Variants in ARID1B observed in about 807,000 individuals in gnomAD.
ARID1B encodes AT-rich interactive domain-containing protein 1B.
A neutral mutation model predicts 212.3 loss-of-function variants in ARID1B; 30 were observed. That is an observed-to-expected ratio of 0.14 (90% CI 0.11 to 0.19). The LOEUF (loss-of-function observed/expected upper bound fraction) is 0.19. Ranked by LOEUF, ARID1B falls within the 10% of genes least tolerant of loss-of-function variation. ARID1B has a pLI of 1.00. For synonymous variants in ARID1B, 1,402 were observed against 1,301.7 expected (o/e 1.08, Z -1.66); for missense variants, 2,891 against 3,204.0 (o/e 0.90, Z 2.36).
At chr6:157,087,654 AT>A in intron 5 of ARID1B, among the ~76,000 whole-genome samples, 1 of 152,302 alleles carries the variant, frequency 6.6e-6, no homozygotes. Context: ...CTGGTTCTTA[AT>A]CCAGTGGTGT....
chr6:157,033,059 C>T (rs1781111152), intron 4 of ARID1B, among the ~76,000 whole-genome samples: 1 of 152,126 alleles, frequency 6.6e-6, no homozygotes, highest in Non-Finnish European at 1.5e-5. Context: ...CAGTAAACAT[C>T]GTTTTAAATA....
At chr6:156,979,183 T>C (rs1238174284) in intron 4 of ARID1B, among the ~76,000 whole-genome samples, 3 of 152,242 alleles carry the variant, frequency 2.0e-5, no homozygotes, top group African/African-American at 7.2e-5. Flanking sequence ...TTGAAAGTTC[T>C]CAGTTGACAA....
chr6:157,121,360 A>C (rs1466295274), intron 6 of ARID1B, among the ~76,000 whole-genome samples: 2 of 152,130 alleles, frequency 1.3e-5, no homozygotes, highest in South Asian at 2.1e-4. Flanking sequence ...TTAAGGACTA[A>C]GTTTACTTTT....
At chr6:157,038,862 C>T (rs149859367) in intron 4 of ARID1B, among the ~76,000 whole-genome samples, 27 of 152,036 alleles carry the variant, frequency 1.8e-4, no homozygotes, top group African/African-American at 5.3e-4. Flanking sequence ...GTGAAGCTTC[C>T]GTGTTTGTTC....
At position 157,207,283 on chromosome 6, in the gene ARID1B, A is replaced by G. The variant is rs1469600286; in HGVS notation, c.6511A>G (p.Ile2171Val). ...TTACACGGAAAGCATCTGCTTGCCA[A>G]TTTTGGATGGCTTGCTGCACTGGAT... is the stretch of plus-strand genomic sequence containing the variant. ...SAYTESICLP[I>V]LDGLLHWMVC... Residue 2171 changes from isoleucine (I) to valine (V), a missense_variant, in exon 20 of 20, where the codon ATT becomes GTT. Ile to Val is a conservative substitution (Grantham distance 29, BLOSUM62 3). Coordinates refer to ENST00000636930, the MANE Select transcript of ARID1B (RefSeq NM_001374828.1). The surrounding 1 kb of genome is among the most constrained non-coding windows in gnomAD (Gnocchi z 8.5). 6.2e-6 allele frequency: 10 copies of G among 1,614,076 alleles called. No homozygotes were observed. The highest frequency in any genetic ancestry group is 4.4e-5 in the South Asian group (4 of 91,072).
intron 6 of ARID1B, among the ~76,000 whole-genome samples, chr6:157,131,683 ATGTTT>A (rs536057563): frequency 5.9e-5 from 9 of 151,796 alleles, no homozygotes; most frequent in South Asian, 2.1e-4. Flanking sequence ...AGCCTTGATG[ATGTTT>A]TGTTTTGTTT....
intron 1 of ARID1B, among the ~76,000 whole-genome samples, chr6:156,781,974 G>GTTTTTTTTTTTTTT (rs1779303083): frequency 1.3e-5 from 1 of 79,714 alleles, no homozygotes; most frequent in Non-Finnish European, 2.4e-5. Context: ...TTGGGAATAG[G>GTTTTTTTTTTTTTT]CTTTTTTTTT....
intron 2 of ARID1B, among the ~76,000 whole-genome samples, chr6:156,852,102 A>C (rs1360732038): frequency 1.3e-5 from 2 of 152,070 alleles, no homozygotes; most frequent in African/African-American, 4.8e-5. Flanking sequence ...CAATTGTAAT[A>C]GCCTTCACAA....
At chr6:156,961,206 C>T (rs140961836) in intron 4 of ARID1B, among the ~76,000 whole-genome samples, 36 of 152,314 alleles carry the variant, frequency 2.4e-4, no homozygotes, top group African/African-American at 7.7e-4. Flanking sequence ...CGACAGAGTG[C>T]GCAGGACACG....
At chr6:157,147,217 TCCG>T (rs2128627715) in intron 7 of ARID1B, among the ~76,000 whole-genome samples, 1 of 390 alleles carries the variant, frequency 2.6e-3, no homozygotes, top group Admixed American at 0.031. Context: ...GGCCCTGCCC[TCCG>T]TCCCTCACCT....
At chr6:157,166,487 G>A (rs1325685388) in intron 8 of ARID1B, 2 of 152,206 alleles carry the variant, frequency 1.3e-5, no homozygotes, top group Non-Finnish European at 2.9e-5. Flanking sequence ...TTTAATGTAG[G>A]GAAATTGGTA....
intron 3 of ARID1B, among the ~76,000 whole-genome samples, chr6:156,924,685 AAGGGTGGTGGGGAGCT>A (rs1791083256): frequency 6.6e-6 from 1 of 152,230 alleles, no homozygotes; most frequent in East Asian, 1.9e-4. Context: ...AACCGTGGGT[AAGGGTGGTGGGGAGCT>A]ACTGTATCTT....
At chr6:156,872,792 G>A (rs896144024) in intron 2 of ARID1B, among the ~76,000 whole-genome samples, 1 of 149,904 alleles carries the variant, frequency 6.7e-6, no homozygotes, top group African/African-American at 2.5e-5. Flanking sequence ...CCCCCACGCT[G>A]TGGAGTGGAT....
intron 1 of ARID1B, among the ~76,000 whole-genome samples, chr6:156,826,253 C>T (rs1782732134): frequency 6.6e-6 from 1 of 152,228 alleles, no homozygotes; most frequent in South Asian, 2.1e-4. Context: ...TTCCTCCTGG[C>T]ACAGTCCTGT....
At chr6:157,051,947 T>G (rs1782633095) in intron 4 of ARID1B, among the ~76,000 whole-genome samples, 2 of 152,222 alleles carry the variant, frequency 1.3e-5, no homozygotes, top group African/African-American at 4.8e-5. Flanking sequence ...TATGATTAGA[T>G]GTATTTTGCT....
In ARID1B at chr6:157,052,723, T is replaced by A. The variant is rs139959705; in HGVS notation, c.2248-31939T>A. 2.2e-3 allele frequency among the ~76,000 whole-genome samples: 338 copies of A among 152,136 alleles called. 1 individual carries two copies. Among genetic ancestry groups the A allele is most frequent in the Non-Finnish European group, 3.5e-3 (241 of 67,970 alleles). On this transcript the variant is annotated intron_variant, in intron 4 of 19. Transcript: ENST00000636930. ...ACAGCACCTAAGAGCAGTTTTCGTTTGTCTGTCTGTTTTTTGAGATGGAGT... is the reference window on the plus strand; with the variant it reads ...ACAGCACCTAAGAGCAGTTTTCGTTAGTCTGTCTGTTTTTTGAGATGGAGT...
chr6:156,937,321 G>A (rs1011372359), intron 4 of ARID1B: 4 of 152,144 alleles, frequency 2.6e-5, no homozygotes, highest in African/African-American at 4.8e-5. Flanking sequence ...TAGATGCATG[G>A]GAAGCAGGTA....
At chr6:156,797,187 A>G (rs888745297) in intron 1 of ARID1B, among the ~76,000 whole-genome samples, 1 of 152,200 alleles carries the variant, frequency 6.6e-6, no homozygotes, top group African/African-American at 2.4e-5. Context: ...TGGGGATACC[A>G]CAGTGACAAA....
intron 4 of ARID1B, among the ~76,000 whole-genome samples, chr6:157,042,783 C>A (rs549530930): frequency 6.6e-6 from 1 of 151,968 alleles, no homozygotes; most frequent in South Asian, 2.1e-4. Context: ...CTCAGCCTCC[C>A]AAGTAGCTGG....
Sources: gnomAD v4.1 joint callset for allele counts (sites outside exome capture counted in the v4.1 genomes callset) on GRCh38, gnomAD v4.1.1 for gene constraint, Gnocchi (gnomAD v3.1) non-coding constraint, MANE v1.5 for transcripts, NCBI Gene and HGNC (gene_info 2026-07-23, HGNC 2026-07-21) for gene names.